BCLAF3: variants seen among roughly 807,000 people sequenced by gnomAD.
BCLAF3 encodes the protein transient octamer binding factor 1.
BCLAF3 carries 24 observed loss-of-function variants against 51.2 expected under a neutral mutation model. The observed-to-expected ratio is 0.47, with a 90% CI of 0.34 to 0.66. BCLAF3 has a LOEUF of 0.66. BCLAF3 is among the 30% of genes least tolerant of loss of function. BCLAF3 has a pLI of 0.01. For missense variants in BCLAF3, 465 were observed against 525.1 expected (o/e 0.89, Z 1.12); for synonymous variants, 152 against 176.6 (o/e 0.86, Z 1.10).
chrX:19,975,913 C>T (rs1267664255), intron 1 of BCLAF3, among the ~76,000 whole-genome samples: 2 of 111,922 alleles, frequency 1.8e-5, no homozygotes, highest in Admixed American at 1.9e-4. Context: ...TGCCATTTCT[C>T]CTCATCTTCC....
chrX:19,982,549 TCACACACACACACACA>T (rs60433883), intron 1 of BCLAF3, among the ~76,000 whole-genome samples: 32 of 97,172 alleles, frequency 3.3e-4, no homozygotes, highest in Admixed American at 1.6e-3. Context: ...AGATGCAATT[TCACACACACACACACA>T]CACACACACA....
chrX:19,948,671 C>T lies in BCLAF3; in HGVS notation c.1745+2082G>A, dbSNP rs1187972307. 5.5e-5 allele frequency among the ~76,000 whole-genome samples: 6 copies of T among 108,275 alleles called. No homozygotes were observed. The South Asian group carries it at 2.0e-3, about 37-fold the overall frequency. 94.0% of individuals were successfully genotyped at this position (108,275 alleles called of 115,157 possible). A position where few individuals can be genotyped will look rare whatever the true frequency, so the allele number is the denominator to read the frequency against. ...CTGTGGTCCCAGCTGCTCGGGAGGC[C>T]GAGGTGGGAGAATCACCTGAGCCTC... On this transcript the variant is annotated intron_variant, in intron 8 of 11. Coordinates refer to ENST00000379682, the MANE Select transcript of BCLAF3 (RefSeq NM_001367774.2).
intron 4 of BCLAF3, among the ~76,000 whole-genome samples, chrX:19,957,845 T>C (rs1232116624): frequency 8.9e-6 from 1 of 112,055 alleles, no homozygotes; most frequent in Non-Finnish European, 1.9e-5. Context: ...ACAATTATGA[T>C]ACTTTTGGTA....
At position 19,955,370 on chromosome X, in the gene BCLAF3, G is replaced by A. The variant is rs370845602; in HGVS notation, c.1450+21C>T. ...ATATTACTTTTGTGTTATCCCTAAC[G>A]TATGTGCAAAATATACCAACCTTTA... On this transcript the variant is annotated intron_variant, in intron 5 of 11. Coordinates refer to ENST00000379682, the MANE Select transcript of BCLAF3 (RefSeq NM_001367774.2). 15 of 1,156,746 alleles carry A rather than the reference G, an allele frequency of 1.3e-5. No homozygotes were observed. The East Asian group carries it at 1.5e-4, about 12-fold the overall frequency.
intron 1 of BCLAF3, among the ~76,000 whole-genome samples, chrX:19,982,653 A>T (rs754624121): frequency 9.0e-6 from 1 of 110,991 alleles, no homozygotes; most frequent in Admixed American, 9.7e-5. Flanking sequence ...AGGTGTAAGT[A>T]CAAAGGTAAA....
Position 19,950,805 on chromosome X carries a change from G to A in BCLAF3, c.1693C>T (p.Arg565Trp), listed in dbSNP as rs1268670979. ...RHDIERRRKERLQNEDEHIFH... is the reference protein window; with the variant it reads ...RHDIERRRKEWLQNEDEHIFH... ...ATGTGCTCATCTTCATTCTGTAACC[G>A]TTCTTTTCGCCTTCTTTCAATGTCA... The change falls in exon 8 of 12, where the codon CGG becomes TGG. Residue 565 changes from arginine (R) to tryptophan (W), a missense_variant. Coordinates refer to ENST00000379682, the MANE Select transcript of BCLAF3 (RefSeq NM_001367774.2). The A allele has an allele frequency of 8.3e-7, 1 of 1,209,735 alleles. No individual in the cohort carries two copies. The highest frequency in any genetic ancestry group is 2.2e-5 in the Admixed American group (1 of 45,926).
At chrX:19,927,884 T>TC (rs2070409630) in intron 11 of BCLAF3, among the ~76,000 whole-genome samples, 2 of 107,879 alleles carry the variant, frequency 1.9e-5, no homozygotes, top group African/African-American at 6.8e-5. Context: ...TTTCTTTCTT[T>TC]CTTTTTTTTT....
At chrX:19,969,681 C>T in intron 2 of BCLAF3, among the ~76,000 whole-genome samples, 1 of 111,659 alleles carries the variant, frequency 9.0e-6, no homozygotes, top group Non-Finnish European at 1.9e-5. Flanking sequence ...CTTGCTGAGG[C>T]CAAAGAAGAT....
At chrX:19,975,171 T>C (rs775694094) in intron 1 of BCLAF3, among the ~76,000 whole-genome samples, 55 of 110,444 alleles carry the variant, frequency 5.0e-4, no homozygotes, top group Middle Eastern at 9.2e-3. Flanking sequence ...GTTCAGCTGC[T>C]TGATAGATAA....
At chrX:19,987,003 G>C (rs2072822309) in intron 1 of BCLAF3, among the ~76,000 whole-genome samples, 1 of 109,870 alleles carries the variant, frequency 9.1e-6, no homozygotes, top group African/African-American at 3.3e-5. Flanking sequence ...ACAGGGTCTT[G>C]CTATGTTGCC....
rs1229302586 is a variant in BCLAF3 at position 19,990,318 on chromosome X, G to GCT, written c.-35+589_-35+590insAG. Among the ~76,000 whole-genome samples, 6 of 112,987 alleles carry GCT rather than the reference G, an allele frequency of 5.3e-5. No homozygotes were observed. In the Admixed American group the frequency reaches 5.6e-4, roughly 10 times the overall value. Reference sequence around the variant, plus strand: ...CAATACAACCCAGAGAAGCACAGGAGATGCGCCAATTTTCAGGAGACGCTT... The same window carrying GCT: ...CAATACAACCCAGAGAAGCACAGGAGCTATGCGCCAATTTTCAGGAGACGCTT... On this transcript the variant is annotated intron_variant, in intron 1 of 11. Coordinates refer to ENST00000379682, the MANE Select transcript of BCLAF3 (RefSeq NM_001367774.2).
At chrX:19,969,071 C>T (rs995157610) in intron 2 of BCLAF3, among the ~76,000 whole-genome samples, 11 of 111,687 alleles carry the variant, frequency 9.8e-5, no homozygotes, top group African/African-American at 3.6e-4. Flanking sequence ...TGAGATCACG[C>T]CATTGCACTC....
chrX:19,928,714 A>T (rs2070443399), intron 11 of BCLAF3, among the ~76,000 whole-genome samples: 1 of 111,869 alleles, frequency 8.9e-6, no homozygotes, highest in African/African-American at 3.2e-5. Context: ...AAGAAAATGC[A>T]TATATATACA....
rs910035648 is a variant in BCLAF3, at chrX:19,914,127, A to G, written c.*3178T>C. On this transcript the variant is annotated 3_prime_UTR_variant, in exon 12 of 12. Coordinates refer to ENST00000379682, the MANE Select transcript of BCLAF3 (RefSeq NM_001367774.2). Reference sequence around the variant, plus strand: ...TCCCAGGCTGCTCTGAGACCTGGGAAATGCCTAGTCCTGGTGAATCTTACC... The same window carrying G: ...TCCCAGGCTGCTCTGAGACCTGGGAGATGCCTAGTCCTGGTGAATCTTACC... The G allele has an allele frequency of 3.6e-5, 4 of 110,888 alleles. No homozygotes were observed. Among genetic ancestry groups the G allele is most frequent in the Non-Finnish European group, 7.6e-5 (4 of 52,978 alleles). The allele number at this position is 110,888 out of a possible 1,213,427, so 9.1% of individuals were successfully genotyped here.
intron 11 of BCLAF3, among the ~76,000 whole-genome samples, chrX:19,926,595 T>C (rs1022574023): frequency 1.8e-5 from 2 of 111,028 alleles, no homozygotes; most frequent in African/African-American, 6.5e-5. Context: ...CCCAAGTCAC[T>C]GGAAAAGATG....
chrX:19,978,377 CA>C (rs2072498679), intron 1 of BCLAF3, among the ~76,000 whole-genome samples: 1 of 111,182 alleles, frequency 9.0e-6, no homozygotes, highest in Non-Finnish European at 1.9e-5. Flanking sequence ...AAGTTGATTC[CA>C]ACTCTCACGG....
At chrX:19,972,159 G>A (rs909337246) in intron 1 of BCLAF3, among the ~76,000 whole-genome samples, 1 of 112,209 alleles carries the variant, frequency 8.9e-6, no homozygotes. Context: ...AGGAAAAAAT[G>A]TTTACTTAGT....
intron 1 of BCLAF3, among the ~76,000 whole-genome samples, chrX:19,976,507 C>T (rs969069833): frequency 3.6e-5 from 4 of 111,376 alleles, no homozygotes; most frequent in Non-Finnish European, 7.5e-5. Flanking sequence ...TCTCCTGCCT[C>T]AGCCTCCCAA....
intron 1 of BCLAF3, among the ~76,000 whole-genome samples, chrX:19,986,636 C>G (rs1307409184): frequency 9.0e-6 from 1 of 111,350 alleles, no homozygotes; most frequent in Non-Finnish European, 1.9e-5. Context: ...GGAATGAAAA[C>G]TGTTAACACA....
Sources: gnomAD v4.1 joint callset for allele counts (sites outside exome capture counted in the v4.1 genomes callset) on GRCh38, gnomAD v4.1.1 for gene constraint, MANE v1.5 for transcripts, NCBI Gene and HGNC (gene_info 2026-07-23, HGNC 2026-07-21) for gene names.